FAM217B: variants seen among roughly 807,000 people sequenced by gnomAD.
FAM217B encodes the protein family with sequence similarity 217 member B.
For missense variants in FAM217B, 463 were observed against 456.9 expected, an observed-to-expected ratio of 1.01 and a Z score of -0.12; for synonymous variants, 163 against 173.0, an observed-to-expected ratio of 0.94 and a Z score of 0.45.
chr20:59,938,771 G>T, upstream of FAM217B: 4 of 324,392 alleles, frequency 1.2e-5, no homozygotes, highest in Non-Finnish European at 5.6e-6. Context: ...ACCCTCCCAT[G>T]CACCTACCCC....
chr20:59,940,802 C>T (rs374975633), intron 1 of FAM217B, among the ~76,000 whole-genome samples: 7 of 152,194 alleles, frequency 4.6e-5, no homozygotes, highest in Non-Finnish European at 8.8e-5. Flanking sequence ...CGTAGAGGAG[C>T]AGCGTCATGT....
At chr20:59,936,495 G>C (rs942700643), upstream of FAM217B, among the ~76,000 whole-genome samples, 14 of 152,226 alleles carry the variant, frequency 9.2e-5, no homozygotes, top group African/African-American at 3.1e-4. Context: ...CAGACAGACA[G>C]ACACTCATTA....
rs1019773024 is a variant in FAM217B at position 59,948,505 on chromosome 20, A to T, written c.*3410A>T. On this transcript the variant is annotated 3_prime_UTR_variant, in exon 4 of 4. Coordinates refer to ENST00000360816, the MANE Select transcript of FAM217B (RefSeq NM_022106.3). ...AATTCAGAAGCAGTATGTATTATTT[A>T]TGTACATGTACAGGACACCATTCAA... 6.0e-6 allele frequency: 1 copy of T among 167,030 alleles called. No homozygotes were observed. Among genetic ancestry groups the T allele is most frequent in the African/African-American group, 2.4e-5 (1 of 41,428 alleles). 10.3% of individuals were successfully genotyped at this position (167,030 alleles called of 1,614,324 possible).
In FAM217B at chr20:59,944,950, C is replaced by T; in HGVS notation, c.1007C>T (p.Ala336Val). The T allele has an allele frequency of 1.2e-6, 2 of 1,614,178 alleles. No individual in the cohort carries two copies. Among genetic ancestry groups the T allele is most frequent in the Non-Finnish European group, 1.7e-6 (2 of 1,180,030 alleles). ...PKQAAVILDS[A>V]DSCKASKTQA... ...CAGGCAGCTGTGATTCTGGACTCAG[C>T]AGATTCCTGTAAGGCCTCCAAAACA... The change falls in exon 4 of 4, where the codon GCA (alanine) becomes GTA (valine). Residue 336 changes from alanine (A) to valine (V), a missense_variant. Physicochemically the swap from Ala to Val is moderately conservative, Grantham distance 64. Transcript: ENST00000360816.
At chr20:59,939,729 A>G, upstream of FAM217B, 5 of 1,257,506 alleles carry the variant, frequency 4.0e-6, no homozygotes, top group Non-Finnish European at 5.0e-6. Context: ...CCGCCGCAGG[A>G]TGATGGGCCG....
In FAM217B at chr20:59,946,364, G is replaced by A. The variant is rs984196692; in HGVS notation, c.*1269G>A. 6 of 166,774 alleles carry A rather than the reference G, an allele frequency of 3.6e-5. No homozygotes were observed. The highest frequency in any genetic ancestry group is 2.1e-4 in the South Asian group (1 of 4,810). The allele number at this position is 166,774 out of a possible 1,614,324, so 10.3% of individuals were successfully genotyped here. ...AACAATTACTGTATTTGTTTTTGAC[G>A]TAGAGGTTTCAATTTTTTCACCTTG... On this transcript the variant is annotated 3_prime_UTR_variant, in exon 4 of 4. Coordinates refer to ENST00000360816, the MANE Select transcript of FAM217B (RefSeq NM_022106.3).
rs1280907558 is a variant in FAM217B at position 59,944,964 on chromosome 20, G to T, written c.1021G>T (p.Ala341Ser). The T allele has an allele frequency of 2.5e-6, 4 of 1,614,160 alleles. No homozygotes were observed. Among genetic ancestry groups the T allele is most frequent in the Admixed American group, 1.7e-5 (1 of 60,020 alleles). ...TCTGGACTCAGCAGATTCCTGTAAG[G>T]CCTCCAAAACACAAGCACATGCACA... ...VILDSADSCK[A>S]SKTQAHAHPR... Residue 341 changes from alanine (A) to serine (S), a missense_variant, in exon 4 of 4, where the codon GCC (alanine) becomes TCC (serine). Physicochemically the swap from Ala to Ser is moderately conservative, Grantham distance 99. Coordinates refer to ENST00000360816, the MANE Select transcript of FAM217B (RefSeq NM_022106.3).
rs2060896877 is a variant in FAM217B at position 59,940,498 on chromosome 20, G to A, written c.-240G>A. The A allele has an allele frequency of 6.6e-6, 1 of 152,246 alleles. No individual in the cohort carries two copies. Among genetic ancestry groups the A allele is most frequent in the Non-Finnish European group, 1.5e-5 (1 of 68,080 alleles). The allele number at this position is 152,246 out of a possible 1,614,324, so 9.4% of individuals were successfully genotyped here. ...CGGGCGCCGGAGAGGAAGGAAGGCTGGCAGCCTCGTCACGTGTCCGCTGCA... is the reference window on the plus strand; with the variant it reads ...CGGGCGCCGGAGAGGAAGGAAGGCTAGCAGCCTCGTCACGTGTCCGCTGCA... On this transcript the variant is annotated 5_prime_UTR_variant, in exon 1 of 4. Transcript: ENST00000360816.
chr20:59,942,971 G>T (rs915601131), intron 3 of FAM217B, among the ~76,000 whole-genome samples: 1 of 152,152 alleles, frequency 6.6e-6, no homozygotes, highest in African/African-American at 2.4e-5. Flanking sequence ...AATGTAGCAC[G>T]TATTCAAATA....
intron 1 of FAM217B, among the ~76,000 whole-genome samples, chr20:59,935,082 T>C (rs2060851119): frequency 6.6e-6 from 1 of 152,238 alleles, no homozygotes; most frequent in African/African-American, 2.4e-5. Context: ...GCTTTTGAAT[T>C]ATACGTTTAA....
rs539640702 is a variant in FAM217B, at chr20:59,946,396, A to C, written c.*1301A>C. On this transcript the variant is annotated 3_prime_UTR_variant, in exon 4 of 4. Transcript: ENST00000360816. ...TTTCAATTTTTTCACCTTGGGGGCAAATGAAAAACTTGGCATTTTTCATTT... is the reference window on the plus strand; with the variant it reads ...TTTCAATTTTTTCACCTTGGGGGCACATGAAAAACTTGGCATTTTTCATTT... 1 of 166,950 alleles carries C rather than the reference A, an allele frequency of 6.0e-6. No homozygotes were observed. The allele number at this position is 166,950 out of a possible 1,614,324, so 10.3% of individuals were successfully genotyped here.
rs1384895818 is a variant in FAM217B at position 59,944,087 on chromosome 20, T to G, written c.144T>G (p.Leu48=). The G allele has an allele frequency of 3.1e-6, 5 of 1,613,906 alleles. No individual in the cohort carries two copies. Among genetic ancestry groups the G allele is most frequent in the African/African-American group, 1.3e-5 (1 of 74,872 alleles). The change falls in exon 4 of 4, where the codon CTT becomes CTG. Residue 48 remains leucine, a synonymous_variant. Transcript: ENST00000360816. Reference sequence around the variant, plus strand: ...TCACCCAGCCTACTGAAGAAAAACTTAAAGAAAGCATTTCCCCGGAAGCAA... The same window carrying G: ...TCACCCAGCCTACTGAAGAAAAACTGAAAGAAAGCATTTCCCCGGAAGCAA... ...TAVTQPTEEK[L]KESISPEARR...
upstream of FAM217B, chr20:59,939,042 T>G (rs371403831): frequency 1.3e-6 from 2 of 1,528,948 alleles, no homozygotes; most frequent in Non-Finnish European, 1.8e-6. Flanking sequence ...TCAGATGAAG[T>G]GGATCCAGCT....
At chr20:59,939,803 G>A, upstream of FAM217B, 1 of 1,231,306 alleles carries the variant, frequency 8.1e-7, no homozygotes, top group Non-Finnish European at 1.0e-6. Context: ...GGCTCCCAGG[G>A]GGCCTACAGG....
At chr20:59,940,045 G>C (rs1465670628), upstream of FAM217B, 1 of 941,264 alleles carries the variant, frequency 1.1e-6, no homozygotes, top group East Asian at 3.3e-5. Flanking sequence ...GCAACCTGCG[G>C]GGGACCTCTC....
intron 1 of FAM217B, among the ~76,000 whole-genome samples, chr20:59,940,922 CAG>C (rs539677496): frequency 2.2e-4 from 33 of 152,302 alleles, no homozygotes; most frequent in South Asian, 8.3e-4. Context: ...GAGAGGAAGA[CAG>C]GGGAACAAGA....
chr20:59,946,439 T>G lies in FAM217B; in HGVS notation c.*1344T>G, dbSNP rs1340631873. On this transcript the variant is annotated 3_prime_UTR_variant, in exon 4 of 4. Coordinates refer to ENST00000360816, the MANE Select transcript of FAM217B (RefSeq NM_022106.3). The stretch of plus-strand genomic sequence containing the variant: ...TTTCATTTGGGAACATATAATAGCT[T>G]GTAAACTTTTCAGACAGCAGTAAAT... The G allele has an allele frequency of 6.0e-6, 1 of 166,892 alleles. No homozygotes were observed. Among genetic ancestry groups the G allele is most frequent in the Non-Finnish European group, 1.5e-5 (1 of 68,106 alleles). The allele number at this position is 166,892 out of a possible 1,614,324, so 10.3% of individuals were successfully genotyped here. A position where few individuals can be genotyped will look rare whatever the true frequency, so the allele number is the denominator to read the frequency against.
At chr20:59,934,336 G>A (rs2060840115) in intron 1 of FAM217B, among the ~76,000 whole-genome samples, 1 of 152,230 alleles carries the variant, frequency 6.6e-6, no homozygotes, top group Non-Finnish European at 1.5e-5. Flanking sequence ...GCCAGCGGGT[G>A]CTTGTGTAAA....
upstream of FAM217B, chr20:59,938,936 G>A: frequency 8.0e-7 from 1 of 1,253,854 alleles, no homozygotes; most frequent in Non-Finnish European, 1.1e-6. Flanking sequence ...TTGGAGGGTG[G>A]TGAAGAACAA....
Sources: allele counts gnomAD v4.1 joint callset (sites outside exome capture counted in the v4.1 genomes callset), GRCh38; gene constraint gnomAD v4.1.1; transcripts MANE v1.5; gene names NCBI Gene and HGNC (gene_info 2026-07-23, HGNC 2026-07-21).